The following ANKRD33B variants were observed in gnomAD, a reference collection of about 807,000 sequenced individuals.
ANKRD33B encodes ankyrin repeat domain 33B.
ANKRD33B carries 6 observed loss-of-function variants against 21.5 expected under a neutral mutation model. The observed-to-expected ratio is 0.28, with a 90% CI of 0.15 to 0.55. ANKRD33B has a LOEUF of 0.55. Ranked by LOEUF, ANKRD33B falls within the 20% of genes least tolerant of loss-of-function variation. The pLI is 0.94. For synonymous variants in ANKRD33B, 347 were observed against 342.4 expected (o/e 1.01, Z -0.15); for missense variants, 698 against 747.2 (o/e 0.93, Z 0.77).
chr5:10,622,985 G>T (rs73036539), intron 2 of ANKRD33B, among the ~76,000 whole-genome samples: 1 of 151,920 alleles, frequency 6.6e-6, no homozygotes, highest in Non-Finnish European at 1.5e-5. Flanking sequence ...GCAGCCTGGG[G>T]CGTGGTGGGA....
intron 1 of ANKRD33B, among the ~76,000 whole-genome samples, chr5:10,616,302 C>T (rs1358186559): frequency 6.6e-6 from 1 of 152,096 alleles, no homozygotes; most frequent in African/African-American, 2.4e-5. Flanking sequence ...TGTGTTGGCT[C>T]ACGCCTGTAA....
intron 1 of ANKRD33B, among the ~76,000 whole-genome samples, chr5:10,599,340 T>C (rs1735882357): frequency 6.6e-6 from 1 of 152,184 alleles, no homozygotes; most frequent in Admixed American, 6.5e-5. Context: ...ATTTTTAAAA[T>C]TGTGGTGAAA....
intron 1 of ANKRD33B, among the ~76,000 whole-genome samples, chr5:10,610,088 C>A (rs1032832185): frequency 3.3e-5 from 5 of 152,306 alleles, no homozygotes; most frequent in Admixed American, 6.5e-5. Flanking sequence ...GAAGTGAAAA[C>A]ACAATAACAA....
intron 3 of ANKRD33B, among the ~76,000 whole-genome samples, chr5:10,646,396 C>T (rs974378318): frequency 7.2e-5 from 11 of 152,162 alleles, no homozygotes; most frequent in Admixed American, 5.2e-4. Flanking sequence ...ATTAATATAA[C>T]CCTTTACAGT....
rs1374863924 is a variant in ANKRD33B, at chr5:10,639,892, GTGCGGCGATGTTAGCGGGTGA to G, written c.637+1725_637+1745del. ...CGATGTTAGGCGGTGACGTGGAGTT[GTGCGGCGATGTTAGCGGGTGA>G]CGTGGGGTTGCGCGGCGATGTTAGG... On this transcript the variant is annotated intron_variant, in intron 3 of 3. Transcript: ENST00000296657. Among the ~76,000 whole-genome samples, 35 of 26,450 alleles carry G rather than the reference GTGCGGCGATGTTAGCGGGTGA, an allele frequency of 1.3e-3. 1 individual carries two copies. The Admixed American group carries it at 0.015, about 11-fold the overall frequency. The allele number at this position is 26,450 out of a possible 152,430, so 17.4% of individuals were successfully genotyped here.
At chr5:10,616,199 C>A (rs1169046509) in intron 1 of ANKRD33B, among the ~76,000 whole-genome samples, 1 of 152,112 alleles carries the variant, frequency 6.6e-6, no homozygotes, top group African/African-American at 2.4e-5. Flanking sequence ...TTCTGTGGGG[C>A]AACTAGGAGC....
At chr5:10,575,752 A>G (rs1735307115) in intron 1 of ANKRD33B, among the ~76,000 whole-genome samples, 1 of 152,228 alleles carries the variant, frequency 6.6e-6, no homozygotes, top group African/African-American at 2.4e-5. Context: ...AGTTGGTCTC[A>G]GAAGGTTATA....
intron 3 of ANKRD33B, among the ~76,000 whole-genome samples, chr5:10,644,636 G>A (rs1248579465): frequency 2.6e-5 from 4 of 152,230 alleles, no homozygotes; most frequent in Non-Finnish European, 4.4e-5. Context: ...TCTTGTCTCA[G>A]GGAAGCCCTG....
intron 1 of ANKRD33B, among the ~76,000 whole-genome samples, chr5:10,612,594 C>CTTGCA (rs1368729736): frequency 2.6e-5 from 4 of 152,238 alleles, no homozygotes; most frequent in Admixed American, 2.6e-4. Context: ...CCCGAGTATT[C>CTTGCA]TTGCATTACC....
chr5:10,592,979 A>G (rs371327128), intron 1 of ANKRD33B, among the ~76,000 whole-genome samples: 30 of 152,056 alleles, frequency 2.0e-4, no homozygotes, highest in African/African-American at 6.3e-4. Context: ...TTCTCCATCA[A>G]TTCTAGCTGG....
chr5:10,634,457 A>ATTTTTTTTTTTTTTTTTTTTTTTTTTTT (rs34515233), intron 2 of ANKRD33B, among the ~76,000 whole-genome samples: 1 of 141,858 alleles, frequency 7.0e-6, no homozygotes. Context: ...CTCAAACTAG[A>ATTTTTTTTTTTTTTTTTTTTTTTTTTTT]TTTTTTTCTT....
intron 2 of ANKRD33B, among the ~76,000 whole-genome samples, chr5:10,620,841 C>T (rs1736404443): frequency 6.6e-6 from 1 of 152,136 alleles, no homozygotes; most frequent in Admixed American, 6.5e-5. Flanking sequence ...CAGATATTTC[C>T]CCTCTGTAAT....
At chr5:10,606,881 A>T (rs1049326584) in intron 1 of ANKRD33B, among the ~76,000 whole-genome samples, 5 of 151,780 alleles carry the variant, frequency 3.3e-5, no homozygotes, top group African/African-American at 1.2e-4. Flanking sequence ...GGTGTGCGTT[A>T]CTACACCTGG....
intron 1 of ANKRD33B, among the ~76,000 whole-genome samples, chr5:10,586,218 C>T (rs999794331): frequency 1.3e-5 from 2 of 151,822 alleles, no homozygotes; most frequent in Non-Finnish European, 2.9e-5. Flanking sequence ...TACTCAAGTC[C>T]CACAATCCGC....
At chr5:10,623,609 A>G (rs1387361377) in intron 2 of ANKRD33B, among the ~76,000 whole-genome samples, 1 of 152,208 alleles carries the variant, frequency 6.6e-6, no homozygotes, top group Non-Finnish European at 1.5e-5. Flanking sequence ...GGACAGAAAC[A>G]TTCAGACTGT....
In ANKRD33B at chr5:10,654,784, G is replaced by A. The variant is rs1737444375; in HGVS notation, c.*4671G>A. The A allele has an allele frequency of 6.6e-6, 1 of 152,530 alleles. No individual in the cohort carries two copies. The highest frequency in any genetic ancestry group is 1.5e-5 in the Non-Finnish European group (1 of 68,062). 9.4% of individuals were successfully genotyped at this position (152,530 alleles called of 1,614,324 possible). On this transcript the variant is annotated 3_prime_UTR_variant, in exon 4 of 4. Transcript: ENST00000296657. ...ACCGGCCGCTCCCGGTCTGACGTTG[G>A]AGCACGTGAACTAAGAGTGACAATT...
chr5:10,631,707 G>A (rs1326874773), intron 2 of ANKRD33B, among the ~76,000 whole-genome samples: 1 of 152,324 alleles, frequency 6.6e-6, no homozygotes, highest in East Asian at 1.9e-4. Flanking sequence ...GTGTGCAATC[G>A]AGCTCCGTGC....
At chr5:10,599,471 C>A (rs552207965) in intron 1 of ANKRD33B, among the ~76,000 whole-genome samples, 1 of 152,192 alleles carries the variant, frequency 6.6e-6, no homozygotes, top group Admixed American at 6.5e-5. Flanking sequence ...CCTCTCCCCC[C>A]AGTCCCTCTT....
chr5:10,596,401 T>C (rs897408588), intron 1 of ANKRD33B, among the ~76,000 whole-genome samples: 3 of 152,230 alleles, frequency 2.0e-5, no homozygotes, highest in Admixed American at 6.5e-5. Context: ...CTCCCACTTA[T>C]AAGTGAGAAC....
Sources: gnomAD v4.1 joint callset for allele counts (sites outside exome capture counted in the v4.1 genomes callset) on GRCh38, gnomAD v4.1.1 for gene constraint, MANE v1.5 for transcripts, NCBI Gene and HGNC (gene_info 2026-07-23, HGNC 2026-07-21) for gene names.